The following CPQ variants were observed in gnomAD, a reference collection of about 807,000 sequenced individuals.
CPQ encodes the protein Ser-Met dipeptidase.
In CPQ, 37 loss-of-function variants were observed where a neutral mutation model predicts 45.7. The observed-to-expected ratio is 0.81, with a 90% confidence interval of 0.62 to 1.07. The LOEUF (loss-of-function observed/expected upper bound fraction) is 1.07, where lower values mean the gene tolerates loss of function less well. Among genes scored for constraint, CPQ ranks in the 50% least tolerant of loss-of-function variants. CPQ has a pLI of 0.00. For missense variants in CPQ, 537 were observed against 572.9 expected, an observed-to-expected ratio of 0.94 and a Z score of 0.64; for synonymous variants, 186 against 205.8, an observed-to-expected ratio of 0.90 and a Z score of 0.82.
chr8:97,033,652 G>A (rs1586505070), intron 6 of CPQ, among the ~76,000 whole-genome samples: 1 of 151,120 alleles, frequency 6.6e-6, no homozygotes, highest in East Asian at 1.9e-4. Flanking sequence ...TTCTTATCTG[G>A]CAGTCTTTAA....
At chr8:96,782,500 C>T (rs1282705939) in intron 1 of CPQ, among the ~76,000 whole-genome samples, 4 of 152,136 alleles carry the variant, frequency 2.6e-5, no homozygotes, top group Non-Finnish European at 5.9e-5. Flanking sequence ...TTCTAGCTTG[C>T]CTCAGAGATC....
At chr8:96,742,882 G>A (rs1383759293) in intron 1 of CPQ, among the ~76,000 whole-genome samples, 9 of 152,228 alleles carry the variant, frequency 5.9e-5, no homozygotes, top group East Asian at 3.9e-4. Context: ...AGGGTAACCC[G>A]ACCTTTCTCT....
chr8:96,672,453 A>T (rs10088022), intron 1 of CPQ, among the ~76,000 whole-genome samples: 1,651 of 152,304 alleles, frequency 0.011, 38 homozygotes, highest in African/African-American at 0.038. Context: ...ATTTTATAGC[A>T]TGCTTGGAGG....
At chr8:96,930,624 C>A (rs1812961661) in intron 4 of CPQ, among the ~76,000 whole-genome samples, 1 of 152,186 alleles carries the variant, frequency 6.6e-6, no homozygotes, top group African/African-American at 2.4e-5. Context: ...CTTCGTTCCT[C>A]TTCTGGTTCT....
At chr8:96,890,115 C>T (rs577063088) in intron 4 of CPQ, among the ~76,000 whole-genome samples, 6 of 152,090 alleles carry the variant, frequency 3.9e-5, no homozygotes, top group African/African-American at 9.7e-5. Flanking sequence ...TTGTGCAACC[C>T]GGAGCACACT....
rs1554573253 is a variant in CPQ at position 96,854,557 on chromosome 8, A to AAAAAAAAAACAC, written c.641+19379_641+19380insAAAAAAACACAA. 1.7e-4 allele frequency among the ~76,000 whole-genome samples: 13 copies of AAAAAAAAAACAC among 76,888 alleles called. 2 individuals are homozygous for AAAAAAAAAACAC. The highest frequency in any genetic ancestry group is 3.5e-4 in the African/African-American group (7 of 20,040). The allele number at this position is 76,888 out of a possible 152,430, so 50.4% of individuals were successfully genotyped here. A position where few individuals can be genotyped will look rare whatever the true frequency, so the allele number is the denominator to read the frequency against. ...AAAAAAAAAAAAAAAAAAAAAAAAA[A>AAAAAAAAAACAC]AATGTGGTGGAACTAAAAGCCCAGT... is the stretch of plus-strand genomic sequence containing the variant. On this transcript the variant is annotated intron_variant, in intron 3 of 7. Coordinates refer to ENST00000220763, the MANE Select transcript of CPQ (RefSeq NM_016134.4).
chr8:96,775,843 T>TC (rs1016895838), intron 1 of CPQ, among the ~76,000 whole-genome samples: 6 of 151,872 alleles, frequency 4.0e-5, no homozygotes, highest in African/African-American at 1.2e-4. Flanking sequence ...GTAAAAGTGC[T>TC]CCCCCCACAT....
Position 97,002,551 on chromosome 8 carries a change from T to C in CPQ, c.962-26852T>C, listed in dbSNP as rs567814723. On this transcript the variant is annotated intron_variant, in intron 5 of 7. Coordinates refer to ENST00000220763, the MANE Select transcript of CPQ (RefSeq NM_016134.4). ...GGTCATTCAGGAGCAAGTTATTCAA[T>C]TTCCATGTAATTGTATGGTTTTGAG... Among the ~76,000 whole-genome samples, 12 of 152,318 alleles carry C rather than the reference T, an allele frequency of 7.9e-5. No homozygotes were observed. The East Asian group carries it at 2.1e-3, about 27-fold the overall frequency.
intron 1 of CPQ, among the ~76,000 whole-genome samples, chr8:96,646,441 C>G (rs1318150426): frequency 6.6e-6 from 1 of 152,148 alleles, no homozygotes; most frequent in Non-Finnish European, 1.5e-5. Context: ...TAAAACCAGG[C>G]TTTTCTTTTG....
At chr8:97,069,267 A>G (rs1810694672) in intron 7 of CPQ, among the ~76,000 whole-genome samples, 1 of 152,116 alleles carries the variant, frequency 6.6e-6, no homozygotes, top group African/African-American at 2.4e-5. Flanking sequence ...ATCCTTTGAT[A>G]TTTCAAATTT....
intron 1 of CPQ, among the ~76,000 whole-genome samples, chr8:96,741,329 A>G (rs1218757472): frequency 1.3e-5 from 2 of 152,106 alleles, no homozygotes; most frequent in African/African-American, 4.8e-5. Context: ...TATCCCCTTT[A>G]ACATTTTTTA....
At chr8:96,948,180 A>T (rs1813215609) in intron 4 of CPQ, among the ~76,000 whole-genome samples, 1 of 152,008 alleles carries the variant, frequency 6.6e-6, no homozygotes, top group African/African-American at 2.4e-5. Context: ...TTTCTACCAG[A>T]TCTCTCTCTT....
intron 1 of CPQ, among the ~76,000 whole-genome samples, chr8:96,688,607 T>C (rs1262500051): frequency 6.6e-6 from 1 of 152,186 alleles, no homozygotes; most frequent in Non-Finnish European, 1.5e-5. Flanking sequence ...TATTTCCTAC[T>C]ATTAGCATAG....
intron 6 of CPQ, among the ~76,000 whole-genome samples, 177 bp from the exon 7 acceptor site, chr8:97,065,832 T>C (rs909775240): frequency 6.6e-6 from 1 of 152,166 alleles, no homozygotes; most frequent in Non-Finnish European, 1.5e-5. Context: ...GGCTGAGTAA[T>C]TGTGCATCTC....
At chr8:96,838,997 C>G (rs1811568975) in intron 3 of CPQ, among the ~76,000 whole-genome samples, 1 of 152,016 alleles carries the variant, frequency 6.6e-6, no homozygotes, top group Admixed American at 6.6e-5. Context: ...AAATAGCTCC[C>G]TTCTCTCTGA....
At chr8:97,034,101 G>T (rs1007264663) in intron 6 of CPQ, among the ~76,000 whole-genome samples, 14 of 151,226 alleles carry the variant, frequency 9.3e-5, no homozygotes, top group African/African-American at 3.4e-4. Context: ...TATAAAGGAT[G>T]TGAGGCTATT....
intron 7 of CPQ, among the ~76,000 whole-genome samples, chr8:97,097,752 C>A (rs976820925): frequency 6.6e-6 from 1 of 152,126 alleles, no homozygotes; most frequent in Non-Finnish European, 1.5e-5. Flanking sequence ...GCCCTAAGGT[C>A]TCAGAGCCTT....
At chr8:96,778,657 G>T (rs1385560655) in intron 1 of CPQ, among the ~76,000 whole-genome samples, 1 of 152,048 alleles carries the variant, frequency 6.6e-6, no homozygotes, top group Non-Finnish European at 1.5e-5. Flanking sequence ...TGAAAATACA[G>T]TCTAGTTAAG....
intron 3 of CPQ, among the ~76,000 whole-genome samples, chr8:96,839,294 C>T (rs1231754419): frequency 6.6e-6 from 1 of 151,992 alleles, no homozygotes; most frequent in African/African-American, 2.4e-5. Context: ...TTGTCAGCAT[C>T]GTCTCCAGGT....
Sources: gnomAD v4.1 joint callset for allele counts (sites outside exome capture counted in the v4.1 genomes callset) on GRCh38, gnomAD v4.1.1 for gene constraint, MANE v1.5 for transcripts, NCBI Gene and HGNC (gene_info 2026-07-23, HGNC 2026-07-21) for gene names.